The following ZNRF3 variants were observed in gnomAD, a reference collection of about 807,000 sequenced individuals.
ZNRF3 encodes zinc and ring finger 3, also known as E3 ubiquitin-protein ligase ZNRF3.
A neutral mutation model predicts 72.5 loss-of-function variants in ZNRF3; 23 were observed. The ratio of observed to expected loss-of-function variants is 0.32; its 90% confidence interval spans 0.23 to 0.45. The LOEUF is 0.45. ZNRF3 is among the 20% of genes least tolerant of loss of function. The pLI, the probability that ZNRF3 is intolerant of heterozygous loss-of-function variation, is 1.00. For synonymous variants in ZNRF3, 610 were observed against 545.3 expected, an observed-to-expected ratio of 1.12 and a Z score of -1.65; for missense variants, 1,169 against 1,272.1, an observed-to-expected ratio of 0.92 and a Z score of 1.23.
chr22:28,903,765 C>G (rs879259287), intron 1 of ZNRF3, among the ~76,000 whole-genome samples: 9 of 152,124 alleles, frequency 5.9e-5, no homozygotes, highest in Non-Finnish European at 1.2e-4. Flanking sequence ...CTTCCTACGT[C>G]AAGGCCAAAG....
intron 2 of ZNRF3, among the ~76,000 whole-genome samples, chr22:28,998,213 C>T (rs1428602338): frequency 6.6e-6 from 1 of 151,684 alleles, no homozygotes; most frequent in African/African-American, 2.4e-5. Flanking sequence ...GCAGGAGAAT[C>T]GCTGGAATCA....
intron 1 of ZNRF3, among the ~76,000 whole-genome samples, chr22:28,923,066 G>A (rs1033853680): frequency 9.9e-5 from 15 of 152,148 alleles, no homozygotes; most frequent in African/African-American, 3.4e-4. Flanking sequence ...GTTGGTGTTG[G>A]GAGTTCAGTG....
chr22:28,951,215 C>G (rs1175180545), intron 1 of ZNRF3, among the ~76,000 whole-genome samples: 2 of 152,212 alleles, frequency 1.3e-5, no homozygotes, highest in Non-Finnish European at 2.9e-5. Flanking sequence ...GGGCCCTCTT[C>G]TGGGTTGAAT....
chr22:28,928,297 C>T (rs1011192734), intron 1 of ZNRF3, among the ~76,000 whole-genome samples: 1 of 151,990 alleles, frequency 6.6e-6, no homozygotes, highest in Non-Finnish European at 1.5e-5. Context: ...TTTTTACCCG[C>T]GTTTTTACTC....
intron 2 of ZNRF3, among the ~76,000 whole-genome samples, chr22:29,001,693 G>A (rs754014276): frequency 2.6e-5 from 4 of 152,000 alleles, no homozygotes; most frequent in Non-Finnish European, 5.9e-5. Context: ...GGCTGGTCTC[G>A]AACTCCTGAC....
At chr22:29,014,686 C>T (rs1428015603) in intron 2 of ZNRF3, among the ~76,000 whole-genome samples, 3 of 152,196 alleles carry the variant, frequency 2.0e-5, no homozygotes, top group African/African-American at 4.8e-5. Context: ...CTAGACGCTG[C>T]AGATACAGTA....
intron 1 of ZNRF3, among the ~76,000 whole-genome samples, chr22:28,952,308 A>G (rs1343673917): frequency 6.6e-6 from 1 of 152,220 alleles, no homozygotes; most frequent in African/African-American, 2.4e-5. Context: ...CGCTATGGAA[A>G]TGCTCTGGCC....
rs149417062 is a variant in ZNRF3, at chr22:29,026,865, C to T, written c.427-15630C>T. On this transcript the variant is annotated intron_variant, in intron 2 of 8. Transcript: ENST00000544604. Reference sequence around the variant, plus strand: ...GACTTCTGCTTTGGGGGTATCTTTCCCCAGACATCACAAAAAGCTCAATTG... The same window carrying T: ...GACTTCTGCTTTGGGGGTATCTTTCTCCAGACATCACAAAAAGCTCAATTG... 4.6e-5 allele frequency: 7 copies of T among 152,282 alleles called. No individual in the cohort carries two copies. The East Asian group carries it at 7.7e-4, about 17-fold the overall frequency. 9.4% of individuals were successfully genotyped at this position (152,282 alleles called of 1,614,324 possible).
chr22:28,898,804 G>A (rs890038564), intron 1 of ZNRF3, among the ~76,000 whole-genome samples: 1 of 152,056 alleles, frequency 6.6e-6, no homozygotes, highest in Non-Finnish European at 1.5e-5. Flanking sequence ...CAGGCTACAT[G>A]TGAGAGAATT....
At chr22:29,023,127 C>CA (rs2036568297) in intron 2 of ZNRF3, among the ~76,000 whole-genome samples, 1 of 152,272 alleles carries the variant, frequency 6.6e-6, no homozygotes, top group African/African-American at 2.4e-5. Context: ...AAATAATACA[C>CA]AAAATGTCTA....
intron 1 of ZNRF3, among the ~76,000 whole-genome samples, chr22:28,918,132 C>T (rs768161222): frequency 6.6e-6 from 1 of 152,150 alleles, no homozygotes; most frequent in Non-Finnish European, 1.5e-5. Context: ...GCAGGCCTGG[C>T]GAAGTGTGGG....
chr22:28,922,824 C>T lies in ZNRF3; in HGVS notation c.300+38758C>T, dbSNP rs959474862. 5.9e-5 allele frequency among the ~76,000 whole-genome samples: 9 copies of T among 152,214 alleles called. No homozygotes were observed. In the East Asian group the frequency reaches 1.3e-3, roughly 23 times the overall value. Reference sequence around the variant, plus strand: ...GTGGGTGGAATCATGCTTGTGCCCCCATATAACCTTTTCCTTCTTAGCATT... The same window carrying T: ...GTGGGTGGAATCATGCTTGTGCCCCTATATAACCTTTTCCTTCTTAGCATT... On this transcript the variant is annotated intron_variant, in intron 1 of 8. Transcript: ENST00000544604.
At chr22:28,992,543 A>C (rs1356894105) in intron 2 of ZNRF3, among the ~76,000 whole-genome samples, 1 of 152,004 alleles carries the variant, frequency 6.6e-6, no homozygotes, top group African/African-American at 2.4e-5. Flanking sequence ...ATTCCAGAAA[A>C]GGGATTCATT....
At chr22:29,034,376 C>T (rs1375695395) in intron 2 of ZNRF3, among the ~76,000 whole-genome samples, 1 of 152,178 alleles carries the variant, frequency 6.6e-6, no homozygotes, top group Non-Finnish European at 1.5e-5. Context: ...CTGTCATATC[C>T]TTCAGCCTTC....
intron 2 of ZNRF3, among the ~76,000 whole-genome samples, chr22:29,033,046 G>T (rs1016955887): frequency 6.6e-6 from 1 of 152,134 alleles, no homozygotes; most frequent in African/African-American, 2.4e-5. Flanking sequence ...ATTTTGAAGA[G>T]AACTAAAAGA....
chr22:29,004,908 G>C (rs1221806299), intron 2 of ZNRF3, among the ~76,000 whole-genome samples: 1 of 152,242 alleles, frequency 6.6e-6, no homozygotes. Flanking sequence ...GGAATGAAAA[G>C]GAAACCCCGT....
At chr22:28,900,155 A>G (rs1275832392) in intron 1 of ZNRF3, among the ~76,000 whole-genome samples, 2 of 152,156 alleles carry the variant, frequency 1.3e-5, no homozygotes, top group Non-Finnish European at 2.9e-5. Context: ...GAGAAGGGAA[A>G]GAAAAACAGG....
chr22:28,968,325 T>C (rs960621980), intron 1 of ZNRF3, among the ~76,000 whole-genome samples: 1 of 152,250 alleles, frequency 6.6e-6, no homozygotes, highest in African/African-American at 2.4e-5. Context: ...TATTATTTCC[T>C]TTCTGCCTGT....
At chr22:28,897,869 C>A (rs144413351) in intron 1 of ZNRF3, among the ~76,000 whole-genome samples, 18 of 152,284 alleles carry the variant, frequency 1.2e-4, no homozygotes, top group Admixed American at 2.0e-4. Context: ...TCTCCTAGAT[C>A]ACACTACTTT....
Sources: gnomAD v4.1 joint callset for allele counts (sites outside exome capture counted in the v4.1 genomes callset) on GRCh38, gnomAD v4.1.1 for gene constraint, MANE v1.5 for transcripts, NCBI Gene and HGNC (gene_info 2026-07-23, HGNC 2026-07-21) for gene names.